Variants in VTI1A observed in about 807,000 individuals in gnomAD.
VTI1A encodes vesicle transport through interaction with t-SNAREs homolog 1A.
In VTI1A, 22 loss-of-function variants were observed where a neutral mutation model predicts 34.9. The observed-to-expected ratio is 0.63, with a 90% CI of 0.45 to 0.90. VTI1A has a LOEUF of 0.90. VTI1A is among the 40% of genes least tolerant of loss of function. The pLI is 0.00. For synonymous variants in VTI1A, 87 were observed against 97.3 expected (o/e 0.89, Z 0.62); for missense variants, 268 against 275.6 (o/e 0.97, Z 0.20).
At chr10:112,637,445 G>A (rs192822787) in intron 5 of VTI1A, among the ~76,000 whole-genome samples, 1 of 152,276 alleles carries the variant, frequency 6.6e-6, no homozygotes, top group Non-Finnish European at 1.5e-5. Context: ...AAGGTGGGCG[G>A]ATCACGAGGT....
rs1564937525 is a variant in VTI1A at position 112,816,712 on chromosome 10, T to C, written c.*1329T>C. On this transcript the variant is annotated 3_prime_UTR_variant, in exon 8 of 8. Transcript: ENST00000393077. Reference sequence around the variant, plus strand: ...GGTCCGTACTATCTTTGGAATATAATTAGAAGCTTTGAATCCTTGAAAAGC... The same window carrying C: ...GGTCCGTACTATCTTTGGAATATAACTAGAAGCTTTGAATCCTTGAAAAGC... 4.4e-6 allele frequency: 1 copy of C among 226,078 alleles called. No homozygotes were observed. Among genetic ancestry groups the C allele is most frequent in the Non-Finnish European group, 8.8e-6 (1 of 113,662 alleles). The allele number at this position is 226,078 out of a possible 1,614,324, so 14.0% of individuals were successfully genotyped here.
intron 7 of VTI1A, among the ~76,000 whole-genome samples, chr10:112,791,068 A>T (rs770419863): frequency 5.3e-5 from 8 of 152,168 alleles, no homozygotes; most frequent in Non-Finnish European, 1.2e-4. Context: ...TGTAACTGCC[A>T]GGATCCCGTC....
chr10:112,680,197 CATCCTTGGGAA>C (rs1224596242), intron 7 of VTI1A, among the ~76,000 whole-genome samples: 5 of 152,158 alleles, frequency 3.3e-5, no homozygotes. Flanking sequence ...TCAAGGATGC[CATCCTTGGGAA>C]ATCAGATCAT....
At chr10:112,681,254 A>AT (rs1480103637) in intron 7 of VTI1A, among the ~76,000 whole-genome samples, 1 of 151,320 alleles carries the variant, frequency 6.6e-6, no homozygotes, top group African/African-American at 2.4e-5. Context: ...CTAATTTTTA[A>AT]TTTTTTCGTA....
At chr10:112,474,476 G>C (rs1348262367) in intron 3 of VTI1A, among the ~76,000 whole-genome samples, 1 of 137,116 alleles carries the variant, frequency 7.3e-6, no homozygotes, top group Admixed American at 7.4e-5. Context: ...TTTTTTTTAA[G>C]ACAGGGCCTT....
chr10:112,543,458 T>G (rs561197285), intron 5 of VTI1A, among the ~76,000 whole-genome samples: 8 of 152,396 alleles, frequency 5.2e-5, no homozygotes, highest in African/African-American at 1.9e-4. Context: ...ATATGTCTGT[T>G]GGCTGTATAA....
intron 3 of VTI1A, among the ~76,000 whole-genome samples, chr10:112,466,143 A>G (rs914705876): frequency 6.6e-6 from 1 of 152,150 alleles, no homozygotes; most frequent in Non-Finnish European, 1.5e-5. Flanking sequence ...CTGGGGCCCA[A>G]ATTCACAAGG....
chr10:112,618,510 T>TAGAGAGAGAGAGAGAGAG (rs1370121195), intron 5 of VTI1A, among the ~76,000 whole-genome samples: 6 of 32,376 alleles, frequency 1.9e-4, no homozygotes, highest in South Asian at 9.5e-4. Context: ...TATATATATA[T>TAGAGAGAGAGAGAGAGAG]ATATATATAT....
At chr10:112,530,267 T>G (rs1850371415) in intron 4 of VTI1A, among the ~76,000 whole-genome samples, 1 of 152,212 alleles carries the variant, frequency 6.6e-6, no homozygotes, top group Non-Finnish European at 1.5e-5. Flanking sequence ...GATTACTGTC[T>G]TAAGCATTAT....
rs1337485548 is a variant in VTI1A, at chr10:112,815,751, T to A, written c.*368T>A. ...GATGAGTCAGTCACGAGAGCTTCTGTTTGTCACCCGCCTCTTGTTGCTGAA... is the reference window on the plus strand; with the variant it reads ...GATGAGTCAGTCACGAGAGCTTCTGATTGTCACCCGCCTCTTGTTGCTGAA... On this transcript the variant is annotated 3_prime_UTR_variant, in exon 8 of 8. Transcript: ENST00000393077. 1 of 277,088 alleles carries A rather than the reference T, an allele frequency of 3.6e-6. No individual in the cohort carries two copies. Among genetic ancestry groups the A allele is most frequent in the African/African-American group, 2.1e-5 (1 of 46,700 alleles). The allele number at this position is 277,088 out of a possible 1,614,324, so 17.2% of individuals were successfully genotyped here.
intron 5 of VTI1A, among the ~76,000 whole-genome samples, chr10:112,554,523 T>G (rs944296167): frequency 1.3e-5 from 2 of 152,182 alleles, no homozygotes; most frequent in African/African-American, 4.8e-5. Context: ...GCATAATTTT[T>G]TTGTAAATCT....
At chr10:112,843,506 C>G in the VTI1A span, among the ~76,000 whole-genome samples, 1 of 152,208 alleles carries the variant, frequency 6.6e-6, no homozygotes, top group Admixed American at 6.5e-5. Context: ...CACTTGCACT[C>G]CTGCTCTAAA....
At chr10:112,727,414 A>T (rs1850072225) in intron 7 of VTI1A, among the ~76,000 whole-genome samples, 1 of 141,708 alleles carries the variant, frequency 7.1e-6, no homozygotes, top group African/African-American at 3.0e-5. Flanking sequence ...TTCCCTAATG[A>T]TACCCTGCAG....
Position 112,816,890 on chromosome 10 carries a change from C to T in VTI1A, c.*1507C>T, listed in dbSNP as rs1371069004. On this transcript the variant is annotated 3_prime_UTR_variant, in exon 8 of 8. Coordinates refer to ENST00000393077, the MANE Select transcript of VTI1A (RefSeq NM_145206.4). ...GGCAGAATCCACCAGAGAAATTGCA[C>T]TTATCGAAACAGGCCAAGGCCTGCA... The T allele has an allele frequency of 4.3e-6, 1 of 230,314 alleles. No homozygotes were observed. The highest frequency in any genetic ancestry group is 8.6e-6 in the Non-Finnish European group (1 of 116,310). 14.3% of individuals were successfully genotyped at this position (230,314 alleles called of 1,614,324 possible). A position where few individuals can be genotyped will look rare whatever the true frequency, so the allele number is the denominator to read the frequency against.
chr10:112,779,383 A>G (rs775084720), intron 7 of VTI1A, among the ~76,000 whole-genome samples: 1 of 152,212 alleles, frequency 6.6e-6, no homozygotes, highest in Non-Finnish European at 1.5e-5. Flanking sequence ...AGATTTTGAC[A>G]CAGAGATAAG....
Position 112,809,499 on chromosome 10 carries a change from G to A in VTI1A, c.561-5791G>A, listed in dbSNP as rs116719216. Among the ~76,000 whole-genome samples, 1,393 of 152,322 alleles carry A rather than the reference G, an allele frequency of 9.1e-3. 17 individuals carry two copies. The highest frequency in any genetic ancestry group is 0.031 in the African/African-American group (1,301 of 41,562). ...TTATTCAGGGCCAGTCGGCCAGGCA[G>A]GAAGGCAGGTACAGGATGCTGCTCT... On this transcript the variant is annotated intron_variant, in intron 7 of 7. Transcript: ENST00000393077.
chr10:112,673,468 G>GCGCGCACA (rs1554938762), intron 7 of VTI1A, among the ~76,000 whole-genome samples: 1 of 151,668 alleles, frequency 6.6e-6, no homozygotes, highest in South Asian at 2.1e-4. Context: ...GCGTGCGCGC[G>GCGCGCACA]CACACACACA....
At chr10:112,578,889 A>T (rs1192032146) in intron 5 of VTI1A, among the ~76,000 whole-genome samples, 2 of 152,238 alleles carry the variant, frequency 1.3e-5, no homozygotes, top group African/African-American at 4.8e-5. Flanking sequence ...TCTGCAGGCC[A>T]GCAACAGTGG....
intron 7 of VTI1A, among the ~76,000 whole-genome samples, chr10:112,794,706 C>T (rs1852613727): frequency 6.6e-6 from 1 of 152,130 alleles, no homozygotes; most frequent in Non-Finnish European, 1.5e-5. Flanking sequence ...TCATACTATA[C>T]GTACTATTTG....
Sources: gnomAD v4.1 joint callset for allele counts (sites outside exome capture counted in the v4.1 genomes callset) on GRCh38, gnomAD v4.1.1 for gene constraint, MANE v1.5 for transcripts, NCBI Gene and HGNC (gene_info 2026-07-23, HGNC 2026-07-21) for gene names.